Variants in CTSC observed in about 807,000 individuals in gnomAD.
CTSC encodes dipeptidyl peptidase 1.
CTSC carries 37 observed loss-of-function variants against 40.9 expected under a neutral mutation model. That is an observed-to-expected ratio of 0.91 (90% CI 0.70 to 1.19). The LOEUF (loss-of-function observed/expected upper bound fraction) is 1.19, where lower values mean the gene tolerates loss of function less well. Ranked by LOEUF, CTSC falls within the 50% of genes most tolerant of loss-of-function variation. CTSC has a pLI of 0.00. For missense variants in CTSC, 594 were observed against 567.3 expected (o/e 1.05, Z -0.48); for synonymous variants, 232 against 207.4 (o/e 1.12, Z -1.02).
Position 88,337,633 on chromosome 11 carries a change from G to A in CTSC, c.40C>T (p.Leu14=), listed in dbSNP as rs943332293. 5.7e-6 allele frequency: 9 copies of A among 1,584,554 alleles called. No individual in the cohort carries two copies. In the African/African-American group the frequency reaches 8.1e-5, roughly 14 times the overall value. ...GPSLLLAALL[L]LLSGDGAVRC... ...ACGGCGCCGTCGCCGGAGAGAAGCA[G>A]CAGGAGGGCGGCGAGCAGCAAGGAG... The change falls in exon 1 of 7, where the codon CTG becomes TTG. Residue 14 remains leucine, a synonymous_variant. Transcript: ENST00000227266.
intron 2 of CTSC, among the ~76,000 whole-genome samples, chr11:88,329,052 T>A (rs1938269275): frequency 6.6e-6 from 1 of 152,196 alleles, no homozygotes; most frequent in African/African-American, 2.4e-5. Context: ...TGAGTCTACT[T>A]CCCCTCTACA....
At chr11:88,326,505 A>C in intron 2 of CTSC, 2 of 1,049,180 alleles carry the variant, frequency 1.9e-6, no homozygotes, top group Non-Finnish European at 2.9e-6. Flanking sequence ...CTTAATATTT[A>C]ATCATATCAG....
intron 6 of CTSC, 77 bp from the exon 7 acceptor site, chr11:88,294,585 C>T (rs1944278643): frequency 2.6e-6 from 4 of 1,529,046 alleles, no homozygotes; most frequent in South Asian, 2.3e-5. Flanking sequence ...CTTCTTTGCT[C>T]CATTATTCTT....
At chr11:88,326,365 C>T in intron 2 of CTSC, 2 of 1,613,860 alleles carry the variant, frequency 1.2e-6, no homozygotes, top group Non-Finnish European at 1.7e-6. Context: ...CTGTCGCAGG[C>T]TGCTCTGTCT....
intron 2 of CTSC, chr11:88,325,295 C>T: frequency 2.0e-6 from 2 of 985,310 alleles, no homozygotes; most frequent in Non-Finnish European, 1.2e-6. Flanking sequence ...TTTTGGTCTT[C>T]AATGAAAAAA....
Position 88,295,838 on chromosome 11 carries a change from C to T in CTSC, c.889+295G>A, listed in dbSNP as rs1000373907. On this transcript the variant is annotated intron_variant, in intron 6 of 6. Transcript: ENST00000227266. ...GAAAAATTTCTTAGTTCCTGTTCCC[C>T]GCCCATAAATAGGGATTATACTTAC... Among the ~76,000 whole-genome samples, 11 of 152,226 alleles carry T rather than the reference C, an allele frequency of 7.2e-5. No homozygotes were observed. The South Asian group carries it at 1.7e-3, about 23-fold the overall frequency.
In CTSC at chr11:88,309,281, C is replaced by T. The variant is rs1288805915; in HGVS notation, c.523G>A (p.Val175Met). The change falls in exon 4 of 7, where the codon GTG (valine) becomes ATG (methionine). Residue 175 changes from valine to methionine, a missense_variant. By Grantham distance (21) the Val-to-Met change is conservative. Coordinates refer to ENST00000227266, the MANE Select transcript of CTSC (RefSeq NM_001814.6). Reference sequence around the variant, plus strand: ...TTCTGAATGGCATTGATAGCTTTCACAAAGTTGTGATCATACTTGTAGAGC... The same window carrying T: ...TTCTGAATGGCATTGATAGCTTTCATAAAGTTGTGATCATACTTGTAGAGC... ...NRLYKYDHNF[V>M]KAINAIQKSW... is the part of the protein sequence containing the mutation. The T allele has an allele frequency of 1.2e-6, 2 of 1,613,860 alleles. No individual in the cohort carries two copies. The highest frequency in any genetic ancestry group is 8.5e-7 in the Non-Finnish European group (1 of 1,179,802).
chr11:88,332,218 CTT>C (rs1938380479), intron 2 of CTSC, among the ~76,000 whole-genome samples: 1 of 152,178 alleles, frequency 6.6e-6, no homozygotes, highest in Admixed American at 6.5e-5. Flanking sequence ...ATGTAAGACT[CTT>C]TGAATAGCAA....
chr11:88,298,369 G>A (rs1242860818), intron 5 of CTSC: 1 of 152,114 alleles, frequency 6.6e-6, no homozygotes, highest in Non-Finnish European at 1.5e-5. Context: ...ATAAATCTAG[G>A]TATAAGGCTT....
At chr11:88,324,568 T>G in intron 2 of CTSC, 1 of 982,812 alleles carries the variant, frequency 1.0e-6, no homozygotes, top group Non-Finnish European at 1.2e-6. Context: ...AAAACTGTGG[T>G]GCATTTTCCA....
chr11:88,330,952 C>T (rs557389258), intron 2 of CTSC, among the ~76,000 whole-genome samples: 3 of 152,100 alleles, frequency 2.0e-5, no homozygotes, highest in African/African-American at 4.8e-5. Context: ...AGTGGAATGC[C>T]GAGAATGGCA....
At chr11:88,314,004 G>A (rs1032803590) in intron 2 of CTSC, among the ~76,000 whole-genome samples, 1 of 152,166 alleles carries the variant, frequency 6.6e-6, no homozygotes, top group Non-Finnish European at 1.5e-5. Context: ...GGTCAACTAT[G>A]TTTCTATAAA....
chr11:88,311,215 T>A (rs1460041933), intron 3 of CTSC, among the ~76,000 whole-genome samples: 2 of 152,164 alleles, frequency 1.3e-5, no homozygotes, highest in Non-Finnish European at 2.9e-5. Context: ...ACATAGCATA[T>A]CCTAAATGAT....
chr11:88,329,453 T>C, intron 2 of CTSC, among the ~76,000 whole-genome samples: 1 of 57,694 alleles, frequency 1.7e-5, no homozygotes, highest in Non-Finnish European at 2.8e-5. Flanking sequence ...TAGACTCCAT[T>C]TCAAAAAAAA....
chr11:88,325,828 T>C (rs1181947805), intron 2 of CTSC: 12 of 985,786 alleles, frequency 1.2e-5, no homozygotes, highest in Non-Finnish European at 1.3e-5. Context: ...CTTCTTTAAA[T>C]ATGTCCTCCA....
At chr11:88,314,709 G>A (rs1326094789) in intron 2 of CTSC, among the ~76,000 whole-genome samples, 1 of 152,100 alleles carries the variant, frequency 6.6e-6, no homozygotes, top group Non-Finnish European at 1.5e-5. Context: ...TGTATTTTTA[G>A]TAGAGATAGG....
At chr11:88,300,725 T>G (rs1051036769) in intron 4 of CTSC, 80 bp from the exon 5 acceptor site, 1 of 904,026 alleles carries the variant, frequency 1.1e-6, no homozygotes, top group East Asian at 2.5e-5. Flanking sequence ...TATAATTCTA[T>G]GATTTCAGCT....
At chr11:88,334,887 T>C (rs1938447717) in intron 2 of CTSC, 50 bp downstream of exon 2, 1 of 1,424,926 alleles carries the variant, frequency 7.0e-7, no homozygotes, top group Non-Finnish European at 9.9e-7. Flanking sequence ...AGAAGAGGTT[T>C]CAGATATCAA....
intron 2 of CTSC, among the ~76,000 whole-genome samples, chr11:88,333,912 G>A (rs1249411703): frequency 6.6e-6 from 1 of 151,784 alleles, no homozygotes. Context: ...ATTAAAGAAA[G>A]GTCCTTATTT....
Sources: allele counts gnomAD v4.1 joint callset (sites outside exome capture counted in the v4.1 genomes callset), GRCh38; gene constraint gnomAD v4.1.1; transcripts MANE v1.5; gene names NCBI Gene and HGNC (gene_info 2026-07-23, HGNC 2026-07-21).